CNTLN: variants seen among roughly 807,000 people sequenced by gnomAD.
CNTLN encodes the protein centlein, centrosomal protein.
In CNTLN, 212 loss-of-function variants were observed where a neutral mutation model predicts 180.0. That is an observed-to-expected ratio of 1.18 (90% CI 1.05 to 1.32). The LOEUF is 1.32. Among genes scored for constraint, CNTLN ranks in the 40% most tolerant of loss-of-function variants. The pLI is 0.00. For synonymous variants in CNTLN, 722 were observed against 563.1 expected (o/e 1.28, Z -3.99); for missense variants, 2,095 against 1,610.9 (o/e 1.30, Z -5.14).
chr9:17,205,455 G>A (rs561483583), intron 2 of CNTLN, among the ~76,000 whole-genome samples: 66 of 152,256 alleles, frequency 4.3e-4, no homozygotes, highest in Non-Finnish European at 4.6e-4. Flanking sequence ...GGAAGCAACA[G>A]CCTGGGCACC....
At chr9:17,441,023 A>G (rs991367220) in intron 18 of CNTLN, among the ~76,000 whole-genome samples, 3 of 151,116 alleles carry the variant, frequency 2.0e-5, no homozygotes, top group Non-Finnish European at 4.4e-5. Flanking sequence ...AACTCTGTAA[A>G]TATACAAAAC....
chr9:17,434,236 T>C (rs574724924), intron 18 of CNTLN, among the ~76,000 whole-genome samples: 1 of 152,154 alleles, frequency 6.6e-6, no homozygotes, highest in East Asian at 1.9e-4. Context: ...TTGTCAGTTT[T>C]ATTTATTTCT....
intron 2 of CNTLN, among the ~76,000 whole-genome samples, chr9:17,194,170 C>T (rs905932314): frequency 3.9e-5 from 6 of 152,194 alleles, no homozygotes; most frequent in African/African-American, 1.2e-4. Flanking sequence ...CTCTGACATG[C>T]CCTGGAGACA....
At position 17,250,811 on chromosome 9, in the gene CNTLN, C is replaced by G. The variant is rs192873943; in HGVS notation, c.849+14223C>G. On this transcript the variant is annotated intron_variant, in intron 5 of 25. Transcript: ENST00000380647. Reference sequence around the variant, plus strand: ...TTAGAAGCCAAATAGGTAATACTGGCTTTTATATTTGCTCACCTATTTACC... The same window carrying G: ...TTAGAAGCCAAATAGGTAATACTGGGTTTTATATTTGCTCACCTATTTACC... Among the ~76,000 whole-genome samples, 247 of 152,046 alleles carry G rather than the reference C, an allele frequency of 1.6e-3. 1 individual carries two copies. Among genetic ancestry groups the G allele is most frequent in the African/African-American group, 5.6e-3 (234 of 41,506 alleles).
chr9:17,437,077 A>G (rs1257240934), intron 18 of CNTLN, among the ~76,000 whole-genome samples: 1 of 152,208 alleles, frequency 6.6e-6, no homozygotes, highest in Non-Finnish European at 1.5e-5. Context: ...GAGTGTAGCA[A>G]CATTTATCCA....
intron 23 of CNTLN, among the ~76,000 whole-genome samples, chr9:17,479,276 A>C (rs1187320017): frequency 6.6e-6 from 1 of 152,258 alleles, no homozygotes; most frequent in Non-Finnish European, 1.5e-5. Context: ...ACAACAGCCA[A>C]GATGTAGAAA....
downstream of CNTLN, among the ~76,000 whole-genome samples, chr9:17,506,502 ATG>A (rs1388521516): frequency 2.6e-5 from 4 of 152,128 alleles, no homozygotes; most frequent in Non-Finnish European, 5.9e-5. Context: ...TGTCATGTTT[ATG>A]TGTGTTTCAG....
chr9:17,482,499 G>A (rs1056430967), intron 23 of CNTLN, among the ~76,000 whole-genome samples: 1 of 152,128 alleles, frequency 6.6e-6, no homozygotes, highest in Non-Finnish European at 1.5e-5. Flanking sequence ...GGAAGACTCA[G>A]CATTCCAAAA....
chr9:17,416,566 T>G (rs1828272355), intron 18 of CNTLN, among the ~76,000 whole-genome samples: 1 of 152,206 alleles, frequency 6.6e-6, no homozygotes, highest in East Asian at 1.9e-4. Flanking sequence ...GTGTTTATGA[T>G]AAGTTACATT....
chr9:17,363,081 C>A (rs1823534678), intron 12 of CNTLN, among the ~76,000 whole-genome samples: 1 of 152,202 alleles, frequency 6.6e-6, no homozygotes, highest in Non-Finnish European at 1.5e-5. Flanking sequence ...TTTTTTATGG[C>A]TGCATAGTAT....
At chr9:17,299,918 T>C in intron 7 of CNTLN, 1 of 427,916 alleles carries the variant, frequency 2.3e-6, no homozygotes, top group Non-Finnish European at 3.1e-6. Flanking sequence ...TAGCTGTCCC[T>C]TTTTAATTTC....
At chr9:17,263,809 T>C (rs1434508990) in intron 5 of CNTLN, among the ~76,000 whole-genome samples, 10 of 144,426 alleles carry the variant, frequency 6.9e-5, no homozygotes, top group Admixed American at 4.8e-4. Flanking sequence ...ATGAGCATTT[T>C]TTCATGTGTT....
intron 13 of CNTLN, among the ~76,000 whole-genome samples, chr9:17,380,844 T>C (rs1487455437): frequency 6.6e-6 from 1 of 152,232 alleles, no homozygotes; most frequent in Non-Finnish European, 1.5e-5. Context: ...AAACAGCTCT[T>C]ACTGCTGCAG....
chr9:17,333,531 G>T (rs1820784328), intron 10 of CNTLN, among the ~76,000 whole-genome samples: 1 of 151,984 alleles, frequency 6.6e-6, no homozygotes, highest in Admixed American at 6.6e-5. Flanking sequence ...CAGATTCTTT[G>T]TCATATAATA....
At chr9:17,352,419 T>C (rs867763194) in intron 12 of CNTLN, among the ~76,000 whole-genome samples, 3 of 24,242 alleles carry the variant, frequency 1.2e-4, no homozygotes, top group Non-Finnish European at 2.0e-4. Context: ...TATATATATT[T>C]TTTTTTTTTT....
chr9:17,294,782 G>T, intron 6 of CNTLN, among the ~76,000 whole-genome samples: 1 of 26,932 alleles, frequency 3.7e-5, no homozygotes, highest in Non-Finnish European at 7.6e-5. Context: ...GGGGAGTGAG[G>T]GGAGGGAGGG....
At chr9:17,507,974 T>G (rs1053605228), downstream of CNTLN, among the ~76,000 whole-genome samples, 2 of 152,210 alleles carry the variant, frequency 1.3e-5, no homozygotes, top group African/African-American at 4.8e-5. Flanking sequence ...TCTGTACTCT[T>G]ACATTTTGTG....
chr9:17,438,505 A>C (rs1374988610), intron 18 of CNTLN, among the ~76,000 whole-genome samples: 5 of 152,194 alleles, frequency 3.3e-5, no homozygotes, highest in Non-Finnish European at 7.4e-5. Context: ...ACAATGTAAT[A>C]CACTAAATAT....
chr9:17,359,730 A>AAAAAAAACAAAAAAACAAAAAAAC (rs1823171762), intron 12 of CNTLN, among the ~76,000 whole-genome samples: 3 of 99,932 alleles, frequency 3.0e-5, no homozygotes, highest in African/African-American at 1.1e-4. Context: ...AAATACAAAA[A>AAAAAAAACAAAAAAACAAAAAAAC]AAAAAAAAAA....
Sources: gnomAD v4.1 joint callset for allele counts (sites outside exome capture counted in the v4.1 genomes callset) on GRCh38, gnomAD v4.1.1 for gene constraint, MANE v1.5 for transcripts, NCBI Gene and HGNC (gene_info 2026-07-23, HGNC 2026-07-21) for gene names.